IFT88: variants seen among roughly 807,000 people sequenced by gnomAD.
IFT88 encodes intraflagellar transport protein 88 homolog.
In IFT88, 74 loss-of-function variants were observed where a neutral mutation model predicts 119.5. That is an observed-to-expected ratio of 0.62 (90% CI 0.51 to 0.75). The LOEUF (loss-of-function observed/expected upper bound fraction) is 0.75. Ranked by LOEUF, IFT88 falls within the 30% of genes least tolerant of loss-of-function variation. IFT88 has a pLI of 0.00. For synonymous variants in IFT88, 279 were observed against 316.7 expected (o/e 0.88, Z 1.26); for missense variants, 961 against 977.7 (o/e 0.98, Z 0.23).
intron 3 of IFT88, among the ~76,000 whole-genome samples, chr13:20,587,850 A>T (rs1368789932): frequency 6.6e-6 from 1 of 152,046 alleles, no homozygotes; most frequent in Non-Finnish European, 1.5e-5. Context: ...GTATCAATTT[A>T]TTTAAAATGT....
rs556659310 is a variant in IFT88, at chr13:20,660,013, C to T, written c.2069-3485C>T. On this transcript the variant is annotated intron_variant, in intron 22 of 25. Transcript: ENST00000351808. The stretch of plus-strand genomic sequence containing the variant: ...AGTGGAGTGACTATTCTGTTCCAGA[C>T]GTTGTTCTAGCACTGTGGATGTAGC... Among the ~76,000 whole-genome samples the T allele has an allele frequency of 2.4e-4, 37 of 152,314 alleles. No homozygotes were observed. In the South Asian group the frequency reaches 6.8e-3, roughly 28 times the overall value.
chr13:20,580,171 AT>A (rs1370321302), intron 2 of IFT88, among the ~76,000 whole-genome samples: 1 of 152,200 alleles, frequency 6.6e-6, no homozygotes, highest in Non-Finnish European at 1.5e-5. Context: ...GATACTAAAT[AT>A]TTGAATATTA....
intron 13 of IFT88, among the ~76,000 whole-genome samples, chr13:20,611,963 A>G (rs1003879297): frequency 6.8e-5 from 10 of 146,320 alleles, no homozygotes; most frequent in African/African-American, 2.6e-4. Flanking sequence ...GGCAGTTTGC[A>G]AAACAAATAA....
intron 14 of IFT88, among the ~76,000 whole-genome samples, chr13:20,621,051 G>T (rs560093621): frequency 6.6e-6 from 1 of 151,882 alleles, no homozygotes; most frequent in East Asian, 2.0e-4. Flanking sequence ...CTAGCTTATG[G>T]TTTGGTGTTT....
At chr13:20,640,940 G>C (rs2049842705) in intron 17 of IFT88, among the ~76,000 whole-genome samples, 1 of 152,166 alleles carries the variant, frequency 6.6e-6, no homozygotes, top group Non-Finnish European at 1.5e-5. Context: ...GAGGCCAGGA[G>C]TTCCAGACCA....
At chr13:20,659,143 A>T (rs1049531254) in intron 22 of IFT88, among the ~76,000 whole-genome samples, 4 of 152,258 alleles carry the variant, frequency 2.6e-5, no homozygotes, top group Non-Finnish European at 2.9e-5. Context: ...ACAGAGTTAC[A>T]GATGATGTAC....
intron 7 of IFT88, among the ~76,000 whole-genome samples, chr13:20,593,879 G>A (rs2041171599): frequency 6.6e-6 from 1 of 151,514 alleles, no homozygotes; most frequent in Admixed American, 6.6e-5. Flanking sequence ...GCGAGACCCC[G>A]TCTCTACAAA....
At chr13:20,607,250 C>T in intron 13 of IFT88, 1 of 405,696 alleles carries the variant, frequency 2.5e-6, no homozygotes, top group Non-Finnish European at 5.0e-6. Flanking sequence ...GTCCCCTGGC[C>T]TGCTGCTGCC....
At chr13:20,666,925 A>G (rs1384263600) in intron 23 of IFT88, among the ~76,000 whole-genome samples, 2 of 152,202 alleles carry the variant, frequency 1.3e-5, no homozygotes, top group Non-Finnish European at 2.9e-5. Context: ...CAACACATAT[A>G]TTTTTAAATG....
At chr13:20,648,063 C>A (rs2051010661) in intron 20 of IFT88, among the ~76,000 whole-genome samples, 1 of 151,550 alleles carries the variant, frequency 6.6e-6, no homozygotes, top group African/African-American at 2.4e-5. Flanking sequence ...AATTTAAAAG[C>A]AAACAAACAA....
chr13:20,588,476 CATT>C (rs2040109840), intron 3 of IFT88, among the ~76,000 whole-genome samples: 1 of 152,074 alleles, frequency 6.6e-6, no homozygotes, highest in African/African-American at 2.4e-5. Flanking sequence ...AATTGAGAGA[CATT>C]ATAAATGAAA....
chr13:20,654,722 A>G (rs545129344), intron 21 of IFT88, among the ~76,000 whole-genome samples: 75 of 152,316 alleles, frequency 4.9e-4, no homozygotes, highest in African/African-American at 1.7e-3. Flanking sequence ...TGTATTCCTC[A>G]AATCATTTTA....
chr13:20,673,805 TAGTC>T (rs1225637214), intron 24 of IFT88, among the ~76,000 whole-genome samples: 7 of 152,256 alleles, frequency 4.6e-5, no homozygotes, highest in African/African-American at 1.4e-4. Flanking sequence ...CCAACACAAA[TAGTC>T]AGTTCTAGTG....
intron 17 of IFT88, among the ~76,000 whole-genome samples, chr13:20,640,885 C>CTTTGGGAGG (rs2049831014): frequency 6.6e-6 from 1 of 152,106 alleles, no homozygotes; most frequent in African/African-American, 2.4e-5. Flanking sequence ...GTGGCTCATA[C>CTTTGGGAGG]CTGTAATCCC....
At chr13:20,626,556 T>C (rs879925902) in intron 15 of IFT88, among the ~76,000 whole-genome samples, 8 of 152,182 alleles carry the variant, frequency 5.3e-5, no homozygotes, top group Admixed American at 2.0e-4. Context: ...AGCTTCCTTG[T>C]AGTCTGTTTT....
intron 9 of IFT88, 125 bp downstream of exon 9, chr13:20,597,244 A>G (rs971079250): frequency 3.8e-6 from 2 of 525,206 alleles, no homozygotes; most frequent in African/African-American, 2.0e-5. Flanking sequence ...TAGATTAATA[A>G]TAATCTTTAG....
At chr13:20,582,091 A>G (rs2038801385) in intron 2 of IFT88, among the ~76,000 whole-genome samples, 2 of 152,124 alleles carry the variant, frequency 1.3e-5, no homozygotes, top group South Asian at 4.2e-4. Context: ...ATCAGAGGCA[A>G]GGATGAGAAC....
chr13:20,622,564 A>G (rs2046710766), intron 14 of IFT88, among the ~76,000 whole-genome samples: 1 of 152,184 alleles, frequency 6.6e-6, no homozygotes, highest in Non-Finnish European at 1.5e-5. Context: ...TTAATTTGCA[A>G]TTCCCTAATG....
At chr13:20,647,780 CTATT>C (rs1163871810) in intron 20 of IFT88, among the ~76,000 whole-genome samples, 1 of 152,196 alleles carries the variant, frequency 6.6e-6, no homozygotes, top group South Asian at 2.1e-4. Context: ...AGGAGAGAGA[CTATT>C]TGAAGAAATT....
Sources: gnomAD v4.1 joint callset for allele counts (sites outside exome capture counted in the v4.1 genomes callset) on GRCh38, gnomAD v4.1.1 for gene constraint, MANE v1.5 for transcripts, NCBI Gene and HGNC (gene_info 2026-07-23, HGNC 2026-07-21) for gene names.